The following EYS variants were observed in gnomAD, a reference collection of about 807,000 sequenced individuals.
The protein encoded by EYS is EGF-like photoreceptor maintenance factor, also known as protein eyes shut homolog.
Under a neutral mutation model 282.1 loss-of-function variants are expected in EYS, and 250 were observed. The ratio of observed to expected loss-of-function variants is 0.89; its 90% CI spans 0.80 to 0.98. EYS has a LOEUF of 0.98. Ranked by LOEUF, EYS falls within the 50% of genes least tolerant of loss-of-function variation. The pLI is 0.00. For missense variants in EYS, 4,016 were observed against 3,709.0 expected, an observed-to-expected ratio of 1.08 and a Z score of -2.15; for synonymous variants, 1,355 against 1,282.9, an observed-to-expected ratio of 1.06 and a Z score of -1.20.
intron 31 of EYS, among the ~76,000 whole-genome samples, chr6:64,128,983 G>A (rs188859617): frequency 7.2e-5 from 11 of 152,198 alleles, no homozygotes; most frequent in African/African-American, 1.7e-4. Flanking sequence ...AGATTAGAGT[G>A]GTGAGGCAAA....
chr6:64,605,419 G>A (rs1766896615), intron 24 of EYS, among the ~76,000 whole-genome samples: 2 of 151,748 alleles, frequency 1.3e-5, no homozygotes, highest in Admixed American at 1.3e-4. Context: ...ACTCCAAATA[G>A]CAAAATCAAG....
At chr6:65,192,790 T>C (rs1022702902) in intron 12 of EYS, among the ~76,000 whole-genome samples, 2 of 151,804 alleles carry the variant, frequency 1.3e-5, no homozygotes, top group African/African-American at 2.4e-5. Flanking sequence ...TTTTGGCTTA[T>C]TGATCCATAA....
rs913206057 is a variant in EYS at position 64,822,739 on chromosome 6, A to G, written c.3076T>C (p.Tyr1026His). 2.1e-5 allele frequency: 33 copies of G among 1,550,090 alleles called. No individual in the cohort carries two copies. The highest frequency in any genetic ancestry group is 2.2e-5 in the Non-Finnish European group (25 of 1,146,086). ...AACCCACTCTTGCAGTCACAGGTAT[A>G]ATGATTGATGCCATCGATACAAACT... ...DGVCIDGINH[Y>H]TCDCKSGFFG... The change falls in exon 20 of 43, where the codon TAT (tyrosine) becomes CAT (histidine). Residue 1026 changes from tyrosine (Y) to histidine (H), a missense_variant. Transcript: ENST00000503581.
intron 14 of EYS, among the ~76,000 whole-genome samples, chr6:64,947,711 A>T (rs1233980861): frequency 1.4e-5 from 2 of 147,686 alleles, no homozygotes; most frequent in Non-Finnish European, 3.0e-5. Flanking sequence ...GAATATAATG[A>T]TTATATTTTG....
chr6:65,015,517 C>T (rs1047702794), intron 13 of EYS, among the ~76,000 whole-genome samples: 22 of 152,252 alleles, frequency 1.4e-4, no homozygotes, highest in African/African-American at 4.8e-4. Flanking sequence ...CAGAGAATCA[C>T]ATTGTATTGT....
chr6:64,022,784 C>T (rs535984351), intron 33 of EYS, among the ~76,000 whole-genome samples: 1 of 152,266 alleles, frequency 6.6e-6, no homozygotes, highest in African/African-American at 2.4e-5. Context: ...TACCAGCTCC[C>T]CAAAACTAGT....
chr6:65,422,561 A>G (rs1026127502), intron 5 of EYS, among the ~76,000 whole-genome samples: 1 of 151,972 alleles, frequency 6.6e-6, no homozygotes, highest in Middle Eastern at 3.4e-3. Context: ...ATAAACATGC[A>G]AAGCTTTTAT....
intron 2 of EYS, among the ~76,000 whole-genome samples, chr6:65,557,607 C>T (rs1768867073): frequency 6.6e-6 from 1 of 152,154 alleles, no homozygotes. Flanking sequence ...GCTCCCAGAA[C>T]TGCCACTCTT....
At chr6:65,489,716 G>A (rs1765958494) in intron 5 of EYS, 1 of 152,076 alleles carries the variant, frequency 6.6e-6, no homozygotes, top group Non-Finnish European at 1.5e-5. Context: ...CAAAGACTTG[G>A]AACTAACCCA....
chr6:65,330,234 G>C (rs2150310483), intron 11 of EYS: 4 of 955,294 alleles, frequency 4.2e-6, no homozygotes, highest in Non-Finnish European at 5.0e-6. Context: ...ATAACATTTT[G>C]AAAAATATCT....
Position 64,590,681 on chromosome 6 carries a change from T to G in EYS, c.5186A>C (p.Lys1729Thr), listed in dbSNP as rs1378944082. The change falls in exon 26 of 43, where the codon AAA becomes ACA. Residue 1729 changes from lysine (K) to threonine (T), a missense_variant. Transcript: ENST00000503581. ...AAGTTTGAACAGTGTATGAGATCCT[T>G]TACTTTTTTCCATGTCCAATAAGCT... ...QESLLDMEKS[K>T]GSHTLFKLHP... The G allele has an allele frequency of 4.8e-5, 75 of 1,551,146 alleles. No homozygotes were observed. The highest frequency in any genetic ancestry group is 5.9e-5 in the Non-Finnish European group (68 of 1,146,726).
chr6:64,882,159 C>T (rs1275483833), intron 19 of EYS, among the ~76,000 whole-genome samples: 1 of 151,642 alleles, frequency 6.6e-6, no homozygotes, highest in Non-Finnish European at 1.5e-5. Context: ...ACACAGTACC[C>T]AAATACCAGG....
chr6:64,481,781 T>C (rs1420846998), intron 26 of EYS, among the ~76,000 whole-genome samples: 1 of 151,708 alleles, frequency 6.6e-6, no homozygotes, highest in South Asian at 2.1e-4. Flanking sequence ...TTCCAGTGTA[T>C]CTTCAGTGTA....
At chr6:63,845,925 T>C (rs981550552) in intron 36 of EYS, among the ~76,000 whole-genome samples, 3 of 152,200 alleles carry the variant, frequency 2.0e-5, no homozygotes, top group Non-Finnish European at 4.4e-5. Context: ...TCAATTTTGC[T>C]TCTGCTCTAC....
rs192313613 is a variant in EYS at position 65,351,763 on chromosome 6, A to G, written c.1459+1695T>C. 2.5e-3 allele frequency among the ~76,000 whole-genome samples: 378 copies of G among 151,922 alleles called. 2 individuals carry two copies. The highest frequency in any genetic ancestry group is 0.02 in the South Asian group (98 of 4,830). On this transcript the variant is annotated intron_variant, in intron 9 of 42. Coordinates refer to ENST00000503581, the MANE Select transcript of EYS (RefSeq NM_001142800.2). ...AGAGCATTTCTCAATCTGCACACTG[A>G]AAGCATGTAGGGAACCTCAAAAAAT...
intron 31 of EYS, among the ~76,000 whole-genome samples, chr6:64,093,794 G>T (rs941732517): frequency 2.6e-5 from 4 of 152,108 alleles, no homozygotes; most frequent in African/African-American, 9.7e-5. Flanking sequence ...ACACTATGTT[G>T]AATAGGAGTG....
chr6:63,762,551 G>A lies in EYS; in HGVS notation c.7981C>T (p.His2661Tyr). The A allele has an allele frequency of 6.4e-7, 1 of 1,550,474 alleles. No homozygotes were observed. Among genetic ancestry groups the A allele is most frequent in the Non-Finnish European group, 8.7e-7 (1 of 1,146,148 alleles). ...TCDPEHDPPH[H>Y]CSRGATCISL... ...ATGCAGGTTGCTCCTCTGCTACAGT[G>A]GTGTGGAGGGTCATGTTCAGGATCA... The change falls in exon 41 of 43, where the codon CAC (histidine) becomes TAC (tyrosine). Residue 2661 changes from histidine to tyrosine, a missense_variant. Coordinates refer to ENST00000503581, the MANE Select transcript of EYS (RefSeq NM_001142800.2).
intron 36 of EYS, among the ~76,000 whole-genome samples, chr6:63,812,574 G>GTC (rs2149681990): frequency 6.6e-6 from 1 of 152,190 alleles, no homozygotes; most frequent in Non-Finnish European, 1.5e-5. Context: ...GAGCTTGCCT[G>GTC]TCCTTCATGG....
chr6:64,929,807 C>T (rs1226936118), intron 15 of EYS, among the ~76,000 whole-genome samples: 1 of 152,126 alleles, frequency 6.6e-6, no homozygotes, highest in East Asian at 1.9e-4. Context: ...TGATTATATA[C>T]TATAAGCAGG....
Sources: allele counts gnomAD v4.1 joint callset (sites outside exome capture counted in the v4.1 genomes callset), GRCh38; gene constraint gnomAD v4.1.1; transcripts MANE v1.5; gene names NCBI Gene and HGNC (gene_info 2026-07-23, HGNC 2026-07-21).